The following AIFM1 variants were observed in gnomAD, a reference collection of about 807,000 sequenced individuals.
The protein encoded by AIFM1 is apoptosis-inducing factor 1, mitochondrial.
A neutral mutation model predicts 51.7 loss-of-function variants in AIFM1; 3 were observed. The observed-to-expected ratio is 0.06, with a 90% CI of 0.03 to 0.15. The LOEUF is 0.15. AIFM1 is among the 10% of genes least tolerant of loss of function. The probability of loss-of-function intolerance (pLI) is 1.00; values close to 1 mark genes in which losing one functional copy is unlikely to be tolerated. For synonymous variants in AIFM1, 178 were observed against 179.4 expected (o/e 0.99, Z 0.06); for missense variants, 330 against 476.8 (o/e 0.69, Z 2.87).
intron 1 of AIFM1, among the ~76,000 whole-genome samples, chrX:130,157,692 C>A (rs977614160): frequency 9.0e-6 from 1 of 110,587 alleles, no homozygotes; most frequent in African/African-American, 3.3e-5. Context: ...GTAGGTCAGG[C>A]GTGGTGGCTC....
chrX:130,148,833 CAAAAAAA>C (rs56353862), intron 3 of AIFM1, among the ~76,000 whole-genome samples: 1 of 21,529 alleles, frequency 4.6e-5, no homozygotes, highest in Non-Finnish European at 7.3e-5. Flanking sequence ...AACTCCATCT[CAAAAAAA>C]AAAAAAAAAA....
chrX:130,163,369 T>C (rs1003904754), intron 1 of AIFM1, among the ~76,000 whole-genome samples: 2 of 110,366 alleles, frequency 1.8e-5, no homozygotes, highest in African/African-American at 6.6e-5. Context: ...AAACGAACCT[T>C]GCTCTTTCCC....
intron 1 of AIFM1, among the ~76,000 whole-genome samples, chrX:130,161,223 C>A (rs2031336249): frequency 9.0e-6 from 1 of 110,522 alleles, no homozygotes. Context: ...ATGGAGAAAA[C>A]ACAGGACAGC....
At chrX:130,155,311 G>A in intron 2 of AIFM1, 1 of 1,204,610 alleles carries the variant, frequency 8.3e-7, no homozygotes, top group South Asian at 1.8e-5. Context: ...AAGGCCAAGA[G>A]AGAAACAAAA....
chrX:130,161,361 A>C (rs909022226), intron 1 of AIFM1, among the ~76,000 whole-genome samples: 8 of 108,691 alleles, frequency 7.4e-5, no homozygotes, highest in Non-Finnish European at 1.3e-4. Context: ...AAATACAAAA[A>C]TTAGCTGGGC....
chrX:130,130,765 G>C (rs1465743227), intron 14 of AIFM1, among the ~76,000 whole-genome samples: 1 of 111,820 alleles, frequency 8.9e-6, no homozygotes, highest in Non-Finnish European at 1.9e-5. Context: ...ACTTCCATTT[G>C]GAAAAACCAT....
At chrX:130,158,946 C>T (rs975664484) in intron 1 of AIFM1, among the ~76,000 whole-genome samples, 2 of 110,598 alleles carry the variant, frequency 1.8e-5, no homozygotes, top group Admixed American at 9.7e-5. Context: ...AGGCCACAGA[C>T]GGGTAAAAAC....
intron 5 of AIFM1, among the ~76,000 whole-genome samples, chrX:130,146,451 A>ATGTGTGTGTGTGTGTG (rs60694841): frequency 3.8e-4 from 34 of 89,444 alleles, no homozygotes; most frequent in African/African-American, 1.3e-3. Context: ...CTCTCAAAAT[A>ATGTGTGTGTGTGTGTG]TGTGTGTGTG....
At chrX:130,155,252 T>C (rs2031126116) in intron 2 of AIFM1, 1 of 1,208,717 alleles carries the variant, frequency 8.3e-7, no homozygotes, top group African/African-American at 1.7e-5. Flanking sequence ...ATGCTAGTGA[T>C]CTAGAAGGGG....
At chrX:130,156,633 C>T (rs1271578243) in intron 1 of AIFM1, 30 bp from the exon 2 acceptor site, 3 of 1,197,590 alleles carry the variant, frequency 2.5e-6, no homozygotes, top group Non-Finnish European at 3.4e-6. Flanking sequence ...AAGACACACA[C>T]ATACAAAAAT....
chrX:130,156,313 G>T, intron 2 of AIFM1, 148 bp downstream of exon 2: 1 of 651,429 alleles, frequency 1.5e-6, no homozygotes. Context: ...AAGATATTAG[G>T]CAGCAGGCAC....
intron 1 of AIFM1, among the ~76,000 whole-genome samples, chrX:130,164,572 G>A (rs951538587): frequency 4.5e-5 from 5 of 112,022 alleles, no homozygotes; most frequent in Non-Finnish European, 7.5e-5. Flanking sequence ...ACTCCTACAG[G>A]TGGATCATTC....
At chrX:130,164,588 C>T (rs1196477512) in intron 1 of AIFM1, among the ~76,000 whole-genome samples, 1 of 111,597 alleles carries the variant, frequency 9.0e-6, no homozygotes, top group Non-Finnish European at 1.9e-5. Context: ...CATTCATTGC[C>T]CCCATGAAGT....
Position 130,153,893 on chromosome X carries a change from T to C in AIFM1, c.249+2568A>G, listed in dbSNP as rs147197035. 3.4e-3 allele frequency among the ~76,000 whole-genome samples: 383 copies of C among 112,231 alleles called. 3 individuals are homozygous for C. The highest frequency in any genetic ancestry group is 0.012 in the African/African-American group (368 of 30,859). Reference sequence around the variant, plus strand: ...TTTAAGCCACTCAGTCCGTGGTGTTTTGTTATGGCAGCCCAAGAAACTAAT... The same window carrying C: ...TTTAAGCCACTCAGTCCGTGGTGTTCTGTTATGGCAGCCCAAGAAACTAAT... On this transcript the variant is annotated intron_variant, in intron 2 of 15. Transcript: ENST00000287295.
intron 3 of AIFM1, among the ~76,000 whole-genome samples, chrX:130,148,635 A>C (rs1296409586): frequency 9.1e-6 from 1 of 109,417 alleles, no homozygotes; most frequent in Non-Finnish European, 1.9e-5. Flanking sequence ...GGGGTTTGAG[A>C]CCAGCCTGGC....
intron 8 of AIFM1, among the ~76,000 whole-genome samples, chrX:130,139,137 C>A (rs2030482891): frequency 9.2e-6 from 1 of 109,187 alleles, no homozygotes; most frequent in Non-Finnish European, 1.9e-5. Flanking sequence ...CACAGCCTGG[C>A]CAACAGGGTA....
At chrX:130,139,732 G>T in intron 8 of AIFM1, 63 bp downstream of exon 8, 1 of 1,101,750 alleles carries the variant, frequency 9.1e-7, no homozygotes, top group South Asian at 1.8e-5. Flanking sequence ...GGCACTTGGG[G>T]ACTGCAAGAT....
At chrX:130,162,582 C>G (rs1251860379) in intron 1 of AIFM1, among the ~76,000 whole-genome samples, 1 of 112,184 alleles carries the variant, frequency 8.9e-6, no homozygotes, top group Non-Finnish European at 1.9e-5. Flanking sequence ...TTCTGCAAAG[C>G]CTTGTCTCAG....
chrX:130,142,853 C>T (rs1230331956), intron 6 of AIFM1, among the ~76,000 whole-genome samples: 3 of 111,275 alleles, frequency 2.7e-5, no homozygotes, highest in Non-Finnish European at 3.8e-5. Flanking sequence ...ACCATGTTGG[C>T]CAGGCTGGTC....
Sources: gnomAD v4.1 joint callset for allele counts (sites outside exome capture counted in the v4.1 genomes callset) on GRCh38, gnomAD v4.1.1 for gene constraint, MANE v1.5 for transcripts, NCBI Gene and HGNC (gene_info 2026-07-23, HGNC 2026-07-21) for gene names.